Variants in CNOT10 observed in about 807,000 individuals in gnomAD.
CNOT10 encodes CCR4-NOT transcription complex subunit 10.
A neutral mutation model predicts 94.6 loss-of-function variants in CNOT10; 30 were observed. The ratio of observed to expected loss-of-function variants is 0.32; its 90% CI spans 0.24 to 0.43. CNOT10 has a LOEUF of 0.43. Among genes scored for constraint, CNOT10 ranks in the 20% least tolerant of loss-of-function variants. CNOT10 has a pLI of 1.00. For synonymous variants in CNOT10, 289 were observed against 301.6 expected (o/e 0.96, Z 0.43); for missense variants, 759 against 877.2 (o/e 0.87, Z 1.70).
chr3:32,724,189 G>A (rs961505639), intron 8 of CNOT10, among the ~76,000 whole-genome samples: 7 of 151,260 alleles, frequency 4.6e-5, no homozygotes, highest in Non-Finnish European at 1.0e-4. Context: ...TTAAAGAAGT[G>A]TGAATTAAAA....
chr3:32,761,569 T>A (rs1275578864), intron 14 of CNOT10, among the ~76,000 whole-genome samples: 1 of 151,578 alleles, frequency 6.6e-6, no homozygotes, highest in Non-Finnish European at 1.5e-5. Context: ...ATTTTTTTTC[T>A]TTTTCTGAGA....
intron 12 of CNOT10, among the ~76,000 whole-genome samples, chr3:32,736,700 A>G (rs968689686): frequency 2.0e-5 from 3 of 151,950 alleles, no homozygotes; most frequent in African/African-American, 7.2e-5. Flanking sequence ...GCCTGAGCCC[A>G]GGAGTTTGAA....
chr3:32,734,720 T>C, intron 11 of CNOT10, 80 bp from the exon 12 acceptor site: 1 of 1,128,944 alleles, frequency 8.9e-7, no homozygotes, highest in Non-Finnish European at 1.3e-6. Context: ...TTATAATCAA[T>C]TGGTTTTATT....
chr3:32,757,283 G>T (rs370514477), intron 13 of CNOT10, among the ~76,000 whole-genome samples: 6 of 128,828 alleles, frequency 4.7e-5, no homozygotes, highest in East Asian at 2.7e-4. Flanking sequence ...AGGTTCAAGC[G>T]ATTCTCCTGC....
chr3:32,767,947 T>TGGGGTCA (rs1700722125), intron 17 of CNOT10, among the ~76,000 whole-genome samples: 1 of 152,104 alleles, frequency 6.6e-6, no homozygotes, highest in Non-Finnish European at 1.5e-5. Flanking sequence ...GAGAGACAGA[T>TGGGGTCA]GGGGTCAGGC....
rs558777402 is a variant in CNOT10 at position 32,746,729 on chromosome 3, C to T, written c.1595+9239C>T. Among the ~76,000 whole-genome samples, 10 of 150,424 alleles carry T rather than the reference C, an allele frequency of 6.6e-5. No individual in the cohort carries two copies. In the South Asian group the frequency reaches 1.1e-3, roughly 16 times the overall value. ...GCAGGCGCCTGTAGTCCCAGCTACT[C>T]GGGAGGCTGAGGCAGGAGAATGGTG... is the stretch of plus-strand genomic sequence containing the variant. On this transcript the variant is annotated intron_variant, in intron 13 of 18. Coordinates refer to ENST00000328834, the MANE Select transcript of CNOT10 (RefSeq NM_015442.3).
chr3:32,749,405 A>T (rs28889084), intron 13 of CNOT10, among the ~76,000 whole-genome samples: 7 of 96,306 alleles, frequency 7.3e-5, no homozygotes, highest in African/African-American at 1.2e-4. Context: ...TGTTGAGTTA[A>T]TTTTTTTTTT....
intron 14 of CNOT10, among the ~76,000 whole-genome samples, chr3:32,760,688 T>G (rs766901953): frequency 2.0e-5 from 3 of 152,164 alleles, no homozygotes; most frequent in Non-Finnish European, 4.4e-5. Context: ...CCTGGAAATT[T>G]TATCAAAAGC....
At chr3:32,735,118 A>G in intron 12 of CNOT10, 142 bp downstream of exon 12, 4 of 710,440 alleles carry the variant, frequency 5.6e-6, no homozygotes, top group Non-Finnish European at 6.9e-6. Context: ...GAAAGTATTT[A>G]TGTTTCTGAG....
intron 3 of CNOT10, 134 bp from the exon 4 acceptor site, chr3:32,708,536 A>G: frequency 3.0e-6 from 2 of 675,930 alleles, no homozygotes; most frequent in Non-Finnish European, 4.9e-6. Context: ...TAAAATCTAA[A>G]GATACTGTTG....
intron 14 of CNOT10, among the ~76,000 whole-genome samples, chr3:32,762,115 T>C (rs1371246827): frequency 6.6e-6 from 1 of 150,650 alleles, no homozygotes; most frequent in Non-Finnish European, 1.5e-5. Flanking sequence ...GGTGGTGTTG[T>C]TCTTGTGTAG....
chr3:32,764,778 A>G lies in CNOT10; in HGVS notation c.1973A>G (p.Glu658Gly). The change falls in exon 17 of 19, where the codon GAA (glutamate) becomes GGA (glycine). Residue 658 changes from glutamate (E) to glycine (G), a missense_variant. Around this residue, in one of 3 missense-constraint regions of CNOT10, gnomAD observed 682 missense variants for 799.4 expected, o/e 0.85. Transcript: ENST00000328834. ...GGCAGCGCTTACTGCCTGAGGAGCG[A>G]ATATGACAAAGCCCGAAAGTGTCTC... is the stretch of plus-strand genomic sequence containing the variant. ...NLGSAYCLRS[E>G]YDKARKCLHQ... 1 of 1,614,186 alleles carries G rather than the reference A, an allele frequency of 6.2e-7. No homozygotes were observed. Among genetic ancestry groups the G allele is most frequent in the Non-Finnish European group, 8.5e-7 (1 of 1,180,028 alleles).
intron 7 of CNOT10, among the ~76,000 whole-genome samples, 195 bp from the exon 8 acceptor site, chr3:32,719,919 T>C (rs1450498551): frequency 6.6e-6 from 1 of 152,194 alleles, no homozygotes; most frequent in Non-Finnish European, 1.5e-5. Flanking sequence ...TAATTATTTT[T>C]ACAAAGTGCT....
intron 1 of CNOT10, among the ~76,000 whole-genome samples, chr3:32,687,455 T>TTTTTG (rs1553627016): frequency 0.012 from 1,074 of 89,452 alleles, 42 homozygotes; most frequent in African/African-American, 0.042. Context: ...TTTTTTTGTT[T>TTTTTG]TTTTTTTTTT....
intron 1 of CNOT10, among the ~76,000 whole-genome samples, chr3:32,695,025 T>G (rs1278056603): frequency 1.3e-5 from 2 of 152,116 alleles, no homozygotes; most frequent in African/African-American, 2.4e-5. Context: ...GTGCTGGCCA[T>G]GCTGATATTA....
intron 9 of CNOT10, among the ~76,000 whole-genome samples, chr3:32,726,832 A>G (rs1461870401): frequency 1.5e-5 from 2 of 133,722 alleles, no homozygotes. Context: ...GTTAACCAAG[A>G]TGAATTTTTT....
At position 32,773,560 on chromosome 3, in the gene CNOT10, C is replaced by T. The variant is rs1701001741; in HGVS notation, c.2184C>T (p.His728=). The part of the protein sequence containing the change: ...VRKKPVFQPV[H]PIQPIQMPAF... ...AGAAGCCAGTGTTTCAGCCTGTCCA[C>T]CCGATCCAGCCCATCCAAATGCCGG... The change falls in exon 19 of 19, where the codon CAC becomes CAT. Residue 728 remains histidine (H), a synonymous_variant. Transcript: ENST00000328834. 1 of 1,614,154 alleles carries T rather than the reference C, an allele frequency of 6.2e-7. No individual in the cohort carries two copies. The highest frequency in any genetic ancestry group is 8.5e-7 in the Non-Finnish European group (1 of 1,180,012).
Position 32,773,641 on chromosome 3 carries a change from GACCC to G in CNOT10, c.*32_*35del. On this transcript the variant is annotated 3_prime_UTR_variant, in exon 19 of 19. Coordinates refer to ENST00000328834, the MANE Select transcript of CNOT10 (RefSeq NM_015442.3). ...TCACTTTTGGAAAACTGTTACCTGA[GACCC>G]AGGGGAGAATTTACTGGCCATTTTA... 1.3e-6 allele frequency: 2 copies of G among 1,580,960 alleles called. No individual in the cohort carries two copies. The highest frequency in any genetic ancestry group is 2.3e-5 in the South Asian group (2 of 86,688).
chr3:32,698,753 C>T (rs1697194771), intron 1 of CNOT10, among the ~76,000 whole-genome samples: 1 of 152,112 alleles, frequency 6.6e-6, no homozygotes, highest in East Asian at 1.9e-4. Context: ...CAGGCTAGGA[C>T]TTCCCAAAGT....
Sources: allele counts gnomAD v4.1 joint callset (sites outside exome capture counted in the v4.1 genomes callset), GRCh38; gene constraint gnomAD v4.1.1; regional missense constraint gnomAD v4.1.1; transcripts MANE v1.5; gene names NCBI Gene and HGNC (gene_info 2026-07-23, HGNC 2026-07-21).